Variants in TRIP12 observed in about 807,000 individuals in gnomAD.
TRIP12 encodes the protein E3 ubiquitin-protein ligase TRIP12.
Under a neutral mutation model 244.2 loss-of-function variants are expected in TRIP12, and 25 were observed. The observed-to-expected ratio is 0.10, with a 90% CI of 0.07 to 0.14. The LOEUF is 0.14. Ranked by LOEUF, TRIP12 falls within the 10% of genes least tolerant of loss-of-function variation. TRIP12 has a pLI of 1.00. For missense variants in TRIP12, 1,677 were observed against 2,486.4 expected, an observed-to-expected ratio of 0.67 and a Z score of 6.92; for synonymous variants, 905 against 873.1, an observed-to-expected ratio of 1.04 and a Z score of -0.64.
At chr2:229,830,143 C>T (rs368830145) in intron 7 of TRIP12, among the ~76,000 whole-genome samples, 11 of 152,220 alleles carry the variant, frequency 7.2e-5, no homozygotes, top group African/African-American at 2.2e-4. Context: ...TATTAGGCTG[C>T]TTTTGTAAAA....
Position 229,844,871 on chromosome 2 carries a change from T to C in TRIP12, c.1028-3944A>G, listed in dbSNP as rs561259046. Among the ~76,000 whole-genome samples, 14 of 152,330 alleles carry C rather than the reference T, an allele frequency of 9.2e-5. No individual in the cohort carries two copies. The East Asian group carries it at 2.7e-3, about 29-fold the overall frequency. The stretch of plus-strand genomic sequence containing the variant: ...ACAGAAACCCTTTTTCTGAGTGCAC[T>C]GCTTATTTATTTTTAAAGTTCTCTG... On this transcript the variant is annotated intron_variant, in intron 4 of 41. Coordinates refer to ENST00000675903, the MANE Select transcript of TRIP12 (RefSeq NM_001348323.3).
intron 2 of TRIP12, among the ~76,000 whole-genome samples, chr2:229,868,298 C>T (rs944342054): frequency 6.6e-6 from 1 of 152,160 alleles, no homozygotes; most frequent in African/African-American, 2.4e-5. Flanking sequence ...ACTTCCTGAG[C>T]TCAGGTGATC....
At chr2:229,786,957 C>T (rs1574984975) in intron 33 of TRIP12, among the ~76,000 whole-genome samples, 1 of 152,190 alleles carries the variant, frequency 6.6e-6, no homozygotes, top group Non-Finnish European at 1.5e-5. Context: ...TCGGTCTCCA[C>T]TGGAAATGGC....
rs780060873 is a variant in TRIP12 at position 229,908,990 on chromosome 2, T to C, written c.-50+12890A>G. ...CTGTGGTCCCAGCTACTGAGGAGGC[T>C]GAGGCAGGAGAATCACCTGAACCTG... On this transcript the variant is annotated intron_variant, in intron 1 of 41. Transcript: ENST00000675903. Among the ~76,000 whole-genome samples the C allele has an allele frequency of 1.0e-3, 148 of 148,034 alleles. 2 individuals carry two copies. The highest frequency in any genetic ancestry group is 5.5e-4 in the Admixed American group (8 of 14,424).
intron 1 of TRIP12, among the ~76,000 whole-genome samples, chr2:229,915,640 G>A (rs1274267756): frequency 1.4e-5 from 2 of 145,848 alleles, no homozygotes; most frequent in African/African-American, 2.5e-5. Flanking sequence ...AAAAGGGTGA[G>A]GGCTAAAGAC....
chr2:229,816,020 G>A (rs149359652), intron 9 of TRIP12, among the ~76,000 whole-genome samples: 52 of 152,218 alleles, frequency 3.4e-4, no homozygotes, highest in African/African-American at 1.2e-3. Context: ...CTGTCCTCTC[G>A]AAGCAGCTGA....
At position 229,805,651 on chromosome 2, in the gene TRIP12, T is replaced by G. The variant is rs1025644429; in HGVS notation, c.2650+79A>C. ...GTCTTAAGCTTAAAAAGATACTTAA[T>G]AAGCCAATTATTATTTATTATGCAA... On this transcript the variant is annotated intron_variant, in intron 18 of 41. Transcript: ENST00000675903. 1.4e-5 allele frequency: 19 copies of G among 1,328,934 alleles called. No homozygotes were observed. The African/African-American group carries it at 2.3e-4, about 16-fold the overall frequency. 82.3% of individuals were successfully genotyped at this position (1,328,934 alleles called of 1,614,324 possible). A position where few individuals can be genotyped will look rare whatever the true frequency, so the allele number is the denominator to read the frequency against.
intron 8 of TRIP12, among the ~76,000 whole-genome samples, chr2:229,828,766 CAA>C (rs1420853587): frequency 2.0e-5 from 3 of 151,000 alleles, no homozygotes; most frequent in Admixed American, 1.3e-4. Flanking sequence ...GACTCCATCT[CAA>C]AAAAAATATA....
chr2:229,897,500 T>G (rs1451184415), intron 1 of TRIP12, among the ~76,000 whole-genome samples: 1 of 151,948 alleles, frequency 6.6e-6, no homozygotes, highest in South Asian at 2.1e-4. Flanking sequence ...ATACAAAAAT[T>G]AGCCAGGTGT....
At chr2:229,912,239 A>T (rs2074425507) in intron 1 of TRIP12, among the ~76,000 whole-genome samples, 1 of 152,166 alleles carries the variant, frequency 6.6e-6, no homozygotes, top group Non-Finnish European at 1.5e-5. Context: ...CTCCTCCAAA[A>T]CTTAATACAA....
At chr2:229,810,822 C>G in intron 15 of TRIP12, 58 bp downstream of exon 15, 1 of 1,554,956 alleles carries the variant, frequency 6.4e-7, no homozygotes, top group Non-Finnish European at 8.8e-7. Flanking sequence ...GTTGACTTTA[C>G]ATATTAATGA....
At position 229,860,645 on chromosome 2, in the gene TRIP12, C is replaced by T. The variant is rs2060314346; in HGVS notation, c.99-114G>A. 5.1e-6 allele frequency: 5 copies of T among 988,148 alleles called. 1 individual carries two copies. Among genetic ancestry groups the T allele is most frequent in the Non-Finnish European group, 4.1e-6 (3 of 734,714 alleles). The allele number at this position is 988,148 out of a possible 1,614,324, so 61.2% of individuals were successfully genotyped here. A position where few individuals can be genotyped will look rare whatever the true frequency, so the allele number is the denominator to read the frequency against. ...AAGCTTCCCACAATTCATTGTTGAC[C>T]CTACCCTTTTTCCAAATATTTATAA... is the stretch of plus-strand genomic sequence containing the variant. On this transcript the variant is annotated intron_variant, in intron 2 of 41. Transcript: ENST00000675903.
intron 8 of TRIP12, among the ~76,000 whole-genome samples, chr2:229,826,705 C>A (rs2051716200): frequency 6.6e-6 from 1 of 152,150 alleles, no homozygotes; most frequent in Admixed American, 6.5e-5. Context: ...GAAACCTGTA[C>A]AGCATGTTAC....
intron 2 of TRIP12, among the ~76,000 whole-genome samples, chr2:229,864,031 AGAGAGAGAGAGAGAGAGTGTGTGTGTGT>A (rs1312773510): frequency 3.5e-5 from 5 of 140,868 alleles, no homozygotes; most frequent in African/African-American, 1.4e-4. Context: ...AGAGAGAGAG[AGAGAGAGAGAGAGAGAGTGTGTGTGTGT>A]GTGTGTGTGT....
At chr2:229,855,840 G>C (rs1175318695) in intron 4 of TRIP12, among the ~76,000 whole-genome samples, 2 of 151,920 alleles carry the variant, frequency 1.3e-5, no homozygotes, top group Admixed American at 1.3e-4. Context: ...TCGGGAGTTC[G>C]AGACCAGCCT....
At chr2:229,914,214 AAAT>A (rs1184611749) in intron 1 of TRIP12, among the ~76,000 whole-genome samples, 4 of 152,162 alleles carry the variant, frequency 2.6e-5, no homozygotes. Context: ...CAAAAAATAA[AAAT>A]AATAATAAAA....
intron 1 of TRIP12, among the ~76,000 whole-genome samples, chr2:229,903,429 C>G (rs1348724385): frequency 1.3e-5 from 2 of 152,088 alleles, no homozygotes. Context: ...GTAAGGCCAT[C>G]TGAGCTAAAA....
At position 229,815,420 on chromosome 2, in the gene TRIP12, T is replaced by C. The variant is rs957505552; in HGVS notation, c.1600-112A>G. 5 of 634,208 alleles carry C rather than the reference T, an allele frequency of 7.9e-6. No individual in the cohort carries two copies. The African/African-American group carries it at 9.4e-5, about 12-fold the overall frequency. 39.3% of individuals were successfully genotyped at this position (634,208 alleles called of 1,614,324 possible). ...TGAAATGGAAGTATTATTCCTAACTTTTACCACACAAAAATAACTTTAAGA... is the reference window on the plus strand; with the variant it reads ...TGAAATGGAAGTATTATTCCTAACTCTTACCACACAAAAATAACTTTAAGA... On this transcript the variant is annotated intron_variant, in intron 9 of 41. Coordinates refer to ENST00000675903, the MANE Select transcript of TRIP12 (RefSeq NM_001348323.3).
intron 1 of TRIP12, among the ~76,000 whole-genome samples, chr2:229,895,077 T>C (rs546661518): frequency 2.6e-5 from 4 of 152,254 alleles, no homozygotes; most frequent in East Asian, 1.9e-4. Context: ...ACATTTCAGA[T>C]AGGAGAATTA....
Sources: allele counts gnomAD v4.1 joint callset (sites outside exome capture counted in the v4.1 genomes callset), GRCh38; gene constraint gnomAD v4.1.1; transcripts MANE v1.5; gene names NCBI Gene and HGNC (gene_info 2026-07-23, HGNC 2026-07-21).